The following SDK2 variants were observed in gnomAD, a reference collection of about 807,000 sequenced individuals.
SDK2 encodes the protein sidekick cell adhesion molecule 2.
SDK2 carries 105 observed loss-of-function variants against 253.9 expected under a neutral mutation model. That is an observed-to-expected ratio of 0.41 (90% CI 0.35 to 0.49). The LOEUF is 0.49. Among genes scored for constraint, SDK2 ranks in the 20% least tolerant of loss-of-function variants. The probability of loss-of-function intolerance (pLI) is 0.06; values close to 1 mark genes in which losing one functional copy is unlikely to be tolerated. For synonymous variants in SDK2, 1,249 were observed against 1,234.9 expected (o/e 1.01, Z -0.24); for missense variants, 2,608 against 3,003.0 (o/e 0.87, Z 3.07).
At chr17:73,531,243 A>G (rs1167869050) in intron 1 of SDK2, among the ~76,000 whole-genome samples, 2 of 152,220 alleles carry the variant, frequency 1.3e-5, no homozygotes, top group African/African-American at 2.4e-5. Context: ...GACCTCCAAC[A>G]TGCTCAAAAG....
intron 1 of SDK2, among the ~76,000 whole-genome samples, chr17:73,572,881 C>T (rs1397693154): frequency 6.6e-6 from 1 of 152,204 alleles, no homozygotes; most frequent in Non-Finnish European, 1.5e-5. Context: ...GATACTTCCT[C>T]CCGGGGAGCC....
chr17:73,365,195 T>C (rs2145429659), intron 38 of SDK2, 63 bp downstream of exon 38: 2 of 1,330,276 alleles, frequency 1.5e-6, no homozygotes, highest in African/African-American at 1.5e-5. Flanking sequence ...TGATGGGCGC[T>C]GAGATGAGAG....
chr17:73,545,415 A>G (rs950508121), intron 1 of SDK2, among the ~76,000 whole-genome samples: 7 of 152,154 alleles, frequency 4.6e-5, no homozygotes, highest in African/African-American at 1.7e-4. Flanking sequence ...AAATGAATGC[A>G]CACACACACG....
At chr17:73,630,406 T>C (rs2046253415) in intron 1 of SDK2, among the ~76,000 whole-genome samples, 1 of 152,148 alleles carries the variant, frequency 6.6e-6, no homozygotes, top group South Asian at 2.1e-4. Flanking sequence ...ACTTGGGCTC[T>C]CAGAATGTGG....
In SDK2 at chr17:73,496,990, A is replaced by G. The variant is rs1253837951; in HGVS notation, c.224+10448T>C. On this transcript the variant is annotated intron_variant, in intron 2 of 44. Coordinates refer to ENST00000392650, the MANE Select transcript of SDK2 (RefSeq NM_001144952.2). This position sits in a 1 kb window ranked among gnomAD's most constrained non-coding sequence, Gnocchi z 4.7. Reference sequence around the variant, plus strand: ...TGGCTCACTGTAAACTCTGCCTCCCAGGTTCAAGTAATTCTCCTGCCTCAG... The same window carrying G: ...TGGCTCACTGTAAACTCTGCCTCCCGGGTTCAAGTAATTCTCCTGCCTCAG... Among the ~76,000 whole-genome samples the G allele has an allele frequency of 2.0e-5, 3 of 152,216 alleles. No homozygotes were observed. The highest frequency in any genetic ancestry group is 7.2e-5 in the African/African-American group (3 of 41,446).
intron 1 of SDK2, among the ~76,000 whole-genome samples, chr17:73,577,401 C>T (rs1355859588): frequency 6.6e-6 from 1 of 152,142 alleles, no homozygotes; most frequent in African/African-American, 2.4e-5. Flanking sequence ...GGGCTGGGTC[C>T]CAGAGACAGA....
chr17:73,401,173 T>C lies in SDK2; in HGVS notation c.2818A>G (p.Thr940Ala). Reference sequence around the variant, plus strand: ...TTGGGCAGGTAGTGGGTCACACGGGTGTTGGTTCGATTGTACTCCTCCCAG... The same window carrying C: ...TTGGGCAGGTAGTGGGTCACACGGGCGTTGGTTCGATTGTACTCCTCCCAG... ...ISWEEYNRTN[T>A]RVTHYLPNVT... The change falls in exon 21 of 45, where the codon ACC becomes GCC. Residue 940 changes from threonine to alanine, a missense_variant. By Grantham distance (58) the Thr-to-Ala change is moderately conservative. Transcript: ENST00000392650. 1 of 1,556,294 alleles carries C rather than the reference T, an allele frequency of 6.4e-7. No individual in the cohort carries two copies. The highest frequency in any genetic ancestry group is 8.7e-7 in the Non-Finnish European group (1 of 1,149,822).
Position 73,496,490 on chromosome 17 carries a change from C to T in SDK2, c.224+10948G>A, listed in dbSNP as rs369185684. On this transcript the variant is annotated intron_variant, in intron 2 of 44. Transcript: ENST00000392650. This position sits in a 1 kb window ranked among gnomAD's most constrained non-coding sequence, Gnocchi z 4.7. ...CGAGGGCATGAAAGAGCAGAGACCA[C>T]GGGTGCACGATGCGTTCTGCCCATT... is the stretch of plus-strand genomic sequence containing the variant. Among the ~76,000 whole-genome samples, 16 of 152,254 alleles carry T rather than the reference C, an allele frequency of 1.1e-4. No homozygotes were observed. Among genetic ancestry groups the T allele is most frequent in the African/African-American group, 1.4e-4 (6 of 41,540 alleles).
At chr17:73,339,441 T>C (rs564449534) in intron 44 of SDK2, among the ~76,000 whole-genome samples, 1 of 152,102 alleles carries the variant, frequency 6.6e-6, no homozygotes, top group African/African-American at 2.4e-5. Flanking sequence ...AGGCTGGTCT[T>C]GAACTCCTGA....
rs1286852642 is a variant in SDK2, at chr17:73,336,721, T to G, written c.*1866A>C. The G allele has an allele frequency of 2.6e-5, 4 of 152,936 alleles. No homozygotes were observed. Among genetic ancestry groups the G allele is most frequent in the African/African-American group, 4.8e-5 (2 of 41,466 alleles). The allele number at this position is 152,936 out of a possible 1,614,324, so 9.5% of individuals were successfully genotyped here. ...CTCCTACTTGGGCTTCCTTGAACTC[T>G]GCTCACCCACCCCAACAGAGCATCA... On this transcript the variant is annotated 3_prime_UTR_variant, in exon 45 of 45. Coordinates refer to ENST00000392650, the MANE Select transcript of SDK2 (RefSeq NM_001144952.2).
chr17:73,497,889 T>C (rs1372034700), intron 2 of SDK2, among the ~76,000 whole-genome samples: 2 of 152,186 alleles, frequency 1.3e-5, no homozygotes, highest in African/African-American at 4.8e-5. Flanking sequence ...AGTGTCCTCC[T>C]TGGCCACGTG....
chr17:73,339,160 A>G (rs1357184547), intron 44 of SDK2, among the ~76,000 whole-genome samples: 1 of 151,850 alleles, frequency 6.6e-6, no homozygotes, highest in Non-Finnish European at 1.5e-5. Context: ...GGAAGGATCT[A>G]CTATGGGGTT....
At chr17:73,386,958 G>A (rs888765593) in intron 30 of SDK2, among the ~76,000 whole-genome samples, 4 of 152,154 alleles carry the variant, frequency 2.6e-5, no homozygotes, top group African/African-American at 7.2e-5. Context: ...GTTTGAGATG[G>A]AGTCTTTTTT....
Position 73,447,596 on chromosome 17 carries a change from C to G in SDK2, c.613+19G>C, listed in dbSNP as rs989795116. On this transcript the variant is annotated intron_variant, in intron 5 of 44. Transcript: ENST00000392650. This position sits in a 1 kb window ranked among gnomAD's most constrained non-coding sequence, Gnocchi z 4.0. ...TAATGGCCCGCTCCAAGATCGGTCC[C>G]GGCCCTGTGCGTACTTACTCTCCAC... is the stretch of plus-strand genomic sequence containing the variant. The G allele has an allele frequency of 5.2e-6, 8 of 1,551,844 alleles. No homozygotes were observed. Among genetic ancestry groups the G allele is most frequent in the Non-Finnish European group, 7.0e-6 (8 of 1,147,016 alleles).
intron 1 of SDK2, among the ~76,000 whole-genome samples, chr17:73,606,557 C>A (rs2045910141): frequency 6.6e-6 from 1 of 152,206 alleles, no homozygotes; most frequent in Non-Finnish European, 1.5e-5. Flanking sequence ...AGGCGGGTTT[C>A]ACCGTTTCTA....
chr17:73,539,451 A>G (rs1277113856), intron 1 of SDK2, among the ~76,000 whole-genome samples: 2 of 143,908 alleles, frequency 1.4e-5, no homozygotes, highest in African/African-American at 5.1e-5. Context: ...GGCAGAGGCC[A>G]GCAGGAGAGG....
At chr17:73,482,182 G>A (rs959271705) in intron 2 of SDK2, among the ~76,000 whole-genome samples, 2 of 152,138 alleles carry the variant, frequency 1.3e-5, no homozygotes, top group African/African-American at 4.8e-5. Context: ...GGCTGAGGCA[G>A]GAGAATCTCT....
At chr17:73,623,158 T>G (rs1042117028) in intron 1 of SDK2, among the ~76,000 whole-genome samples, 3 of 152,276 alleles carry the variant, frequency 2.0e-5, no homozygotes, top group African/African-American at 7.2e-5. Flanking sequence ...TATTTCATTT[T>G]GATTTATTCA....
At chr17:73,400,968 G>C in intron 21 of SDK2, 52 bp downstream of exon 21, 8 of 1,504,440 alleles carry the variant, frequency 5.3e-6, no homozygotes, top group Non-Finnish European at 7.2e-6. Flanking sequence ...CTCTTGAATG[G>C]GACGCTGCTC....
Sources: allele counts gnomAD v4.1 joint callset (sites outside exome capture counted in the v4.1 genomes callset), GRCh38; gene constraint gnomAD v4.1.1; non-coding constraint Gnocchi (gnomAD v3.1); transcripts MANE v1.5; gene names NCBI Gene and HGNC (gene_info 2026-07-23, HGNC 2026-07-21).